The following CACNB2 variants were observed in gnomAD, a reference collection of about 807,000 sequenced individuals.
CACNB2 encodes the protein calcium voltage-gated channel auxiliary subunit beta 2.
A neutral mutation model predicts 73.3 loss-of-function variants in CACNB2; 42 were observed. The ratio of observed to expected loss-of-function variants is 0.57; its 90% confidence interval spans 0.45 to 0.74. The LOEUF (loss-of-function observed/expected upper bound fraction) is 0.74. Among genes scored for constraint, CACNB2 ranks in the 30% least tolerant of loss-of-function variants. The pLI is 0.00. For missense variants in CACNB2, 940 were observed against 853.0 expected, an observed-to-expected ratio of 1.10 and a Z score of -1.27; for synonymous variants, 348 against 310.3, an observed-to-expected ratio of 1.12 and a Z score of -1.28.
chr10:18,154,682 G>C (rs1468918048), intron 2 of CACNB2, among the ~76,000 whole-genome samples: 2 of 152,218 alleles, frequency 1.3e-5, no homozygotes, highest in Non-Finnish European at 2.9e-5. Flanking sequence ...TGGCCAGGCT[G>C]GTCTCAAACT....
intron 2 of CACNB2, among the ~76,000 whole-genome samples, chr10:18,228,665 A>T (rs1488345771): frequency 6.6e-6 from 1 of 152,004 alleles, no homozygotes; most frequent in Non-Finnish European, 1.5e-5. Flanking sequence ...GACAGATATC[A>T]CTCAATGACT....
At chr10:18,278,260 G>T (rs184227908) in intron 2 of CACNB2, among the ~76,000 whole-genome samples, 2 of 152,292 alleles carry the variant, frequency 1.3e-5, no homozygotes, top group Admixed American at 1.3e-4. Flanking sequence ...CAGAAGGATA[G>T]CTTGAGTCCA....
At chr10:18,471,291 A>T (rs1021850828) in intron 3 of CACNB2, among the ~76,000 whole-genome samples, 1 of 152,138 alleles carries the variant, frequency 6.6e-6, no homozygotes, top group Non-Finnish European at 1.5e-5. Context: ...GGGCAACAAG[A>T]GTGAAACTCC....
chr10:18,485,430 C>T (rs1191296479), intron 3 of CACNB2, among the ~76,000 whole-genome samples: 1 of 152,050 alleles, frequency 6.6e-6, no homozygotes, highest in Non-Finnish European at 1.5e-5. Context: ...ACACTCCCAC[C>T]TGAGGCATTT....
chr10:18,345,797 A>G (rs764887437), intron 2 of CACNB2, among the ~76,000 whole-genome samples: 1 of 152,248 alleles, frequency 6.6e-6, no homozygotes, highest in Non-Finnish European at 1.5e-5. Context: ...GACTAGTCAC[A>G]GGATTAAACC....
Position 18,261,140 on chromosome 10 carries a change from C to T in CACNB2, c.213+110165C>T, listed in dbSNP as rs975311823. The T allele has an allele frequency of 2.6e-6, 4 of 1,527,352 alleles. No homozygotes were observed. In the African/African-American group the frequency reaches 5.5e-5, roughly 21 times the overall value. The allele number at this position is 1,527,352 out of a possible 1,614,324, so 94.6% of individuals were successfully genotyped here. A position where few individuals can be genotyped will look rare whatever the true frequency, so the allele number is the denominator to read the frequency against. Reference sequence around the variant, plus strand: ...TTAGAAACTACCTAGGAGGCAGAAGCTAAGTGATTTGCTCATGCCTCTTAC... The same window carrying T: ...TTAGAAACTACCTAGGAGGCAGAAGTTAAGTGATTTGCTCATGCCTCTTAC... On this transcript the variant is annotated intron_variant, in intron 2 of 13. Transcript: ENST00000324631.
intron 9 of CACNB2, among the ~76,000 whole-genome samples, chr10:18,526,281 T>G (rs2052463624): frequency 1.3e-5 from 2 of 152,184 alleles, no homozygotes; most frequent in African/African-American, 4.8e-5. Flanking sequence ...AACTGTACAA[T>G]GAGAAGAAAG....
chr10:18,474,050 A>G (rs184255914), intron 3 of CACNB2, among the ~76,000 whole-genome samples: 153 of 152,350 alleles, frequency 1.0e-3, no homozygotes, highest in African/African-American at 3.6e-3. Context: ...AATAGTTAAG[A>G]TGATGGAACA....
chr10:18,531,516 G>A (rs557769158), intron 10 of CACNB2, among the ~76,000 whole-genome samples: 233 of 152,218 alleles, frequency 1.5e-3, no homozygotes, highest in African/African-American at 5.5e-3. Flanking sequence ...ATATTTCTTT[G>A]GGTATATAGC....
chr10:18,183,276 G>A (rs1220085890), intron 2 of CACNB2, among the ~76,000 whole-genome samples: 1 of 151,994 alleles, frequency 6.6e-6, no homozygotes, highest in Non-Finnish European at 1.5e-5. Flanking sequence ...CTATCATCAG[G>A]CTTTTCTGCC....
chr10:18,480,672 G>C (rs1047481456), intron 3 of CACNB2, among the ~76,000 whole-genome samples: 1 of 152,174 alleles, frequency 6.6e-6, no homozygotes, highest in Non-Finnish European at 1.5e-5. Flanking sequence ...ACAGAATCCA[G>C]AACTTTTATG....
At chr10:18,141,649 G>C (rs1272751113) in intron 1 of CACNB2, among the ~76,000 whole-genome samples, 1 of 151,434 alleles carries the variant, frequency 6.6e-6, no homozygotes, top group Non-Finnish European at 1.5e-5. Context: ...AGTTGTAGGC[G>C]CTGGGCAATG....
chr10:18,276,241 T>C (rs562208006), intron 2 of CACNB2, among the ~76,000 whole-genome samples: 71 of 152,274 alleles, frequency 4.7e-4, no homozygotes, highest in African/African-American at 1.7e-3. Context: ...TAAGCAACGT[T>C]AAGAAGTGGA....
chr10:18,388,003 T>G (rs928343333), intron 2 of CACNB2, among the ~76,000 whole-genome samples: 2 of 152,146 alleles, frequency 1.3e-5, no homozygotes, highest in Non-Finnish European at 2.9e-5. Flanking sequence ...GCAATCCTCC[T>G]GCCTCGGCCT....
chr10:18,194,961 A>C (rs1033534071), intron 2 of CACNB2, among the ~76,000 whole-genome samples: 1 of 152,210 alleles, frequency 6.6e-6, no homozygotes, highest in African/African-American at 2.4e-5. Context: ...TTTTAGCTCT[A>C]AATTCAGCAT....
intron 2 of CACNB2, among the ~76,000 whole-genome samples, chr10:18,170,956 A>G (rs141387657): frequency 1.4e-4 from 22 of 152,322 alleles, no homozygotes; most frequent in African/African-American, 4.6e-4. Flanking sequence ...TCTTAATTCA[A>G]TGGAAGAGAA....
At chr10:18,365,818 T>C (rs2042322294) in intron 2 of CACNB2, among the ~76,000 whole-genome samples, 1 of 152,182 alleles carries the variant, frequency 6.6e-6, no homozygotes, top group Admixed American at 6.5e-5. Context: ...GTGAATACTT[T>C]CTCACACAAA....
intron 2 of CACNB2, among the ~76,000 whole-genome samples, chr10:18,355,667 T>C (rs1454023557): frequency 2.0e-5 from 3 of 151,478 alleles, no homozygotes; most frequent in Non-Finnish European, 4.4e-5. Context: ...GACAGAGTCT[T>C]GCTCTGTCGC....
At chr10:18,295,288 C>G (rs1032052576) in intron 2 of CACNB2, among the ~76,000 whole-genome samples, 2 of 152,128 alleles carry the variant, frequency 1.3e-5, no homozygotes, top group African/African-American at 4.8e-5. Flanking sequence ...AAAAATCCTT[C>G]CTGTTTTTTG....
Sources: gnomAD v4.1 joint callset for allele counts (sites outside exome capture counted in the v4.1 genomes callset) on GRCh38, gnomAD v4.1.1 for gene constraint, MANE v1.5 for transcripts, NCBI Gene and HGNC (gene_info 2026-07-23, HGNC 2026-07-21) for gene names.